The following MACROD1 variants were observed in gnomAD, a reference collection of about 807,000 sequenced individuals.
MACROD1 encodes ADP-ribose glycohydrolase MACROD1.
A neutral mutation model predicts 41.4 loss-of-function variants in MACROD1; 31 were observed. The observed-to-expected ratio is 0.75, with a 90% CI of 0.56 to 1.01. MACROD1 has a LOEUF of 1.01. Among genes scored for constraint, MACROD1 ranks in the 50% least tolerant of loss-of-function variants. MACROD1 has a pLI of 0.00. For synonymous variants in MACROD1, 252 were observed against 203.4 expected, an observed-to-expected ratio of 1.24 and a Z score of -2.03; for missense variants, 473 against 460.0, an observed-to-expected ratio of 1.03 and a Z score of -0.26.
chr11:64,106,630 G>A (rs1325151014), intron 3 of MACROD1, among the ~76,000 whole-genome samples: 1 of 152,218 alleles, frequency 6.6e-6, no homozygotes, highest in South Asian at 2.1e-4. Flanking sequence ...CTCTGATCTA[G>A]GATCAGTGAG....
At chr11:64,062,803 G>A (rs1407327680) in intron 3 of MACROD1, among the ~76,000 whole-genome samples, 1 of 152,124 alleles carries the variant, frequency 6.6e-6, no homozygotes, top group Non-Finnish European at 1.5e-5. Flanking sequence ...TTTATCAGGT[G>A]CCTGCCCACA....
chr11:64,020,707 G>A (rs1943142068), intron 3 of MACROD1, among the ~76,000 whole-genome samples: 1 of 151,988 alleles, frequency 6.6e-6, no homozygotes. Flanking sequence ...ACTGCCTCCA[G>A]AATCCCCTCC....
At position 64,108,602 on chromosome 11, in the gene MACROD1, G is replaced by C. The variant is rs143233601; in HGVS notation, c.517+42637C>G. On this transcript the variant is annotated intron_variant, in intron 3 of 10. Coordinates refer to ENST00000255681, the MANE Select transcript of MACROD1 (RefSeq NM_014067.4). ...GAAGCCCCATCACAGAGCTGGAGAT[G>C]ATTGTGCCTTGGTAGGGCTTCCTGT... Among the ~76,000 whole-genome samples the C allele has an allele frequency of 2.1e-3, 313 of 152,366 alleles. 2 individuals are homozygous for C. Among genetic ancestry groups the C allele is most frequent in the African/African-American group, 7.1e-3 (296 of 41,580 alleles).
chr11:64,061,330 C>T (rs534695992), intron 3 of MACROD1, among the ~76,000 whole-genome samples: 1 of 152,330 alleles, frequency 6.6e-6, no homozygotes, highest in African/African-American at 2.4e-5. Context: ...CACGCTGAGC[C>T]TCCGCCCCCA....
In MACROD1 at chr11:63,999,343, C is replaced by T. The variant is rs777604502; in HGVS notation, c.879G>A (p.Gln293=). The T allele has an allele frequency of 1.3e-6, 2 of 1,568,250 alleles. No individual in the cohort carries two copies. Among genetic ancestry groups the T allele is most frequent in the East Asian group, 2.3e-5 (1 of 43,320 alleles). Residue 293 remains glutamine, a synonymous_variant, in exon 8 of 11, where the codon CAG becomes CAA. Coordinates refer to ENST00000255681, the MANE Select transcript of MACROD1 (RefSeq NM_014067.4). ...VLATLREWLE[Q]HKDKVDRLII... ...GCCCAGGACTCACCTTGTCCTTGTGCTGCTCCAGCCACTCTCGCAGCGTGG... is the reference window on the plus strand; with the variant it reads ...GCCCAGGACTCACCTTGTCCTTGTGTTGCTCCAGCCACTCTCGCAGCGTGG...
chr11:64,110,858 T>C (rs772595714), intron 3 of MACROD1, among the ~76,000 whole-genome samples: 7 of 152,118 alleles, frequency 4.6e-5, no homozygotes, highest in Non-Finnish European at 7.4e-5. Flanking sequence ...CCCAGGCAAT[T>C]AGAGATTCCT....
At chr11:64,121,740 A>C (rs1945101351) in intron 3 of MACROD1, among the ~76,000 whole-genome samples, 1 of 152,196 alleles carries the variant, frequency 6.6e-6, no homozygotes, top group Non-Finnish European at 1.5e-5. Context: ...TGACATTTCC[A>C]AGGGAACGTC....
chr11:64,152,279 G>T lies in MACROD1; in HGVS notation c.400+13C>A, dbSNP rs189135366. The T allele has an allele frequency of 1.2e-6, 2 of 1,613,452 alleles. No individual in the cohort carries two copies. Among genetic ancestry groups the T allele is most frequent in the Admixed American group, 1.7e-5 (1 of 60,030 alleles). On this transcript the variant is annotated intron_variant, in intron 2 of 10. Coordinates refer to ENST00000255681, the MANE Select transcript of MACROD1 (RefSeq NM_014067.4). ...GAGCCTGCCCACCAGGGCCTCCCCC[G>T]AGCAGGGCCTACCTTTCGCCATCTC...
intron 4 of MACROD1, among the ~76,000 whole-genome samples, chr11:64,010,973 TGTGTTGGTTGGG>T (rs897636783): frequency 2.4e-5 from 3 of 123,518 alleles, no homozygotes; most frequent in African/African-American, 3.1e-5. Flanking sequence ...TTGGTTGGCA[TGTGTTGGTTGGG>T]GTGTTGGTTG....
intron 3 of MACROD1, among the ~76,000 whole-genome samples, chr11:64,113,313 C>T (rs1394740356): frequency 6.6e-6 from 1 of 152,222 alleles, no homozygotes; most frequent in Non-Finnish European, 1.5e-5. Flanking sequence ...GTGGCTACAA[C>T]AGGGCCTGGA....
intron 3 of MACROD1, among the ~76,000 whole-genome samples, chr11:64,042,350 T>C (rs1027405766): frequency 2.0e-5 from 3 of 152,242 alleles, no homozygotes; most frequent in African/African-American, 7.2e-5. Flanking sequence ...TGCAGTCCCC[T>C]GCCCTTCCTG....
chr11:64,062,847 G>T (rs12292011), intron 3 of MACROD1, among the ~76,000 whole-genome samples: 1,598 of 152,260 alleles, frequency 0.01, 32 homozygotes, highest in African/African-American at 0.036. Flanking sequence ...CTCAGCAGGG[G>T]CACCTCCACC....
At chr11:64,031,678 A>G (rs929635322) in intron 3 of MACROD1, among the ~76,000 whole-genome samples, 9 of 152,128 alleles carry the variant, frequency 5.9e-5, no homozygotes, top group African/African-American at 1.7e-4. Flanking sequence ...GGGTTTTGCC[A>G]TGTTGGCCAG....
intron 3 of MACROD1, among the ~76,000 whole-genome samples, chr11:64,107,714 G>A (rs1158835773): frequency 1.3e-5 from 2 of 152,258 alleles, no homozygotes; most frequent in Non-Finnish European, 1.5e-5. Context: ...GGTGATGGGT[G>A]TGGCTGGCTG....
At chr11:64,027,885 T>C (rs554213493) in intron 3 of MACROD1, among the ~76,000 whole-genome samples, 2 of 152,328 alleles carry the variant, frequency 1.3e-5, no homozygotes, top group South Asian at 2.1e-4. Flanking sequence ...CACAGCTGAA[T>C]TGTCACTTTG....
intron 3 of MACROD1, chr11:64,116,392 T>C (rs1231690192): frequency 6.2e-7 from 1 of 1,613,832 alleles, no homozygotes; most frequent in African/African-American, 1.3e-5. Flanking sequence ...TACGGGCTCA[T>C]CGCCTTCCTG....
At chr11:64,055,434 C>T (rs969315058) in intron 3 of MACROD1, among the ~76,000 whole-genome samples, 2 of 152,328 alleles carry the variant, frequency 1.3e-5, no homozygotes, top group Non-Finnish European at 2.9e-5. Context: ...AGGACGGGAG[C>T]TAGTGGCAGG....
rs1229362228 is a variant in MACROD1, at chr11:64,120,220, G to C, written c.517+31019C>G. On this transcript the variant is annotated intron_variant, in intron 3 of 10. Coordinates refer to ENST00000255681, the MANE Select transcript of MACROD1 (RefSeq NM_014067.4). This position sits in a 1 kb window ranked among gnomAD's most constrained non-coding sequence, Gnocchi z 4.5. The stretch of plus-strand genomic sequence containing the variant: ...GGGCACAGGCTCCCAGCACGGCCTG[G>C]GGGGGCTAGCCCACGAAATAGGTCC... 3.3e-5 allele frequency among the ~76,000 whole-genome samples: 5 copies of C among 152,206 alleles called. No individual in the cohort carries two copies. The highest frequency in any genetic ancestry group is 7.3e-5 in the Non-Finnish European group (5 of 68,044).
At chr11:64,080,743 G>A (rs1468724419) in intron 3 of MACROD1, among the ~76,000 whole-genome samples, 2 of 152,180 alleles carry the variant, frequency 1.3e-5, no homozygotes, top group Non-Finnish European at 2.9e-5. Flanking sequence ...ACAGGCCCCC[G>A]GCTGGATCCA....
Sources: gnomAD v4.1 joint callset for allele counts (sites outside exome capture counted in the v4.1 genomes callset) on GRCh38, gnomAD v4.1.1 for gene constraint, Gnocchi (gnomAD v3.1) non-coding constraint, MANE v1.5 for transcripts, NCBI Gene and HGNC (gene_info 2026-07-23, HGNC 2026-07-21) for gene names.